ZFHX3: variants seen among roughly 807,000 people sequenced by gnomAD.
The protein encoded by ZFHX3 is zinc finger homeobox 3, also known as zinc finger homeobox protein 3.
Under a neutral mutation model 279.1 loss-of-function variants are expected in ZFHX3, and 42 were observed. That is an observed-to-expected ratio of 0.15 (90% CI 0.12 to 0.19). ZFHX3 has a LOEUF of 0.19. ZFHX3 is among the 10% of genes least tolerant of loss of function. The probability of loss-of-function intolerance (pLI) is 1.00; values close to 1 mark genes in which losing one functional copy is unlikely to be tolerated. For synonymous variants in ZFHX3, 2,293 were observed against 1,957.8 expected (o/e 1.17, Z -4.52); for missense variants, 4,981 against 4,754.0 (o/e 1.05, Z -1.40).
chr16:73,788,211 A>T (rs1281997077), intron 1 of ZFHX3, among the ~76,000 whole-genome samples: 1 of 152,136 alleles, frequency 6.6e-6, no homozygotes, highest in East Asian at 1.9e-4. Context: ...ACCAGAGTAA[A>T]ATACCACGAC....
chr16:73,674,090 C>T (rs1307921306), intron 2 of ZFHX3, among the ~76,000 whole-genome samples: 3 of 152,126 alleles, frequency 2.0e-5, no homozygotes, highest in East Asian at 1.9e-4. Context: ...TCTAATTCCT[C>T]GAAGGAAGGG....
intron 1 of ZFHX3, among the ~76,000 whole-genome samples, chr16:73,882,296 G>A (rs1597157003): frequency 6.6e-6 from 1 of 152,018 alleles, no homozygotes; most frequent in South Asian, 2.1e-4. Context: ...CAGTGTGGCT[G>A]GAGTTGGACT....
chr16:73,058,500 A>C, intron 1 of ZFHX3: 9 of 114,716 alleles, frequency 7.8e-5, no homozygotes, highest in Non-Finnish European at 1.4e-4. Context: ...GGCGGCGGGA[A>C]AAAAAAAAGA....
At chr16:73,106,151 A>G (rs965768787) in intron 7 of ZFHX3, among the ~76,000 whole-genome samples, 14 of 151,784 alleles carry the variant, frequency 9.2e-5, no homozygotes, top group Admixed American at 2.0e-4. Flanking sequence ...TGATATTCCA[A>G]TGATTTCTGC....
intron 1 of ZFHX3, among the ~76,000 whole-genome samples, chr16:73,810,606 C>A (rs1350064614): frequency 6.6e-6 from 1 of 152,008 alleles, no homozygotes; most frequent in Non-Finnish European, 1.5e-5. Context: ...CTTAATGCAA[C>A]CCTATAAATT....
intron 3 of ZFHX3, among the ~76,000 whole-genome samples, chr16:72,917,903 C>A (rs1262520972): frequency 6.6e-6 from 1 of 152,152 alleles, no homozygotes; most frequent in Non-Finnish European, 1.5e-5. Flanking sequence ...CTTACTGTTA[C>A]ATTTTCAGAT....
chr16:73,166,290 A>C (rs1193343141), intron 5 of ZFHX3, among the ~76,000 whole-genome samples: 2 of 152,206 alleles, frequency 1.3e-5, no homozygotes, highest in Non-Finnish European at 2.9e-5. Context: ...CACCAGTGTT[A>C]TGAACTGCCT....
Position 72,811,658 on chromosome 16 carries a change from G to A in ZFHX3, c.3783C>T (p.Leu1261=). 1 of 1,613,944 alleles carries A rather than the reference G, an allele frequency of 6.2e-7. No individual in the cohort carries two copies. The highest frequency in any genetic ancestry group is 8.5e-7 in the Non-Finnish European group (1 of 1,179,940). Residue 1261 remains leucine, a synonymous_variant, in exon 7 of 10, where the codon CTC becomes CTT. Coordinates refer to ENST00000268489, the MANE Select transcript of ZFHX3 (RefSeq NM_006885.4). ...GCAGCTGGAGGTGGATCTTGTTGTTGAGCATGTCCTGGCACAGGGGGCAGC... is the reference window on the plus strand; with the variant it reads ...GCAGCTGGAGGTGGATCTTGTTGTTAAGCATGTCCTGGCACAGGGGGCAGC... The part of the protein sequence containing the change: ...MLRCPLCQDM[L]NNKIHLQLHL...
chr16:73,337,735 C>T (rs11150393), intron 3 of ZFHX3, among the ~76,000 whole-genome samples: 20,820 of 151,512 alleles, frequency 0.14, 2,991 homozygotes, highest in East Asian at 0.37. Context: ...TTTCTAGGTC[C>T]CCACTGTACT....
At chr16:73,574,352 C>A (rs559793977) in intron 2 of ZFHX3, among the ~76,000 whole-genome samples, 1 of 152,060 alleles carries the variant, frequency 6.6e-6, no homozygotes, top group Admixed American at 6.6e-5. Flanking sequence ...TGGGCCCCCC[C>A]CAGCATCCAC....
chr16:72,881,051 A>G (rs570528185), intron 4 of ZFHX3, among the ~76,000 whole-genome samples: 1 of 152,348 alleles, frequency 6.6e-6, no homozygotes, highest in South Asian at 2.1e-4. Context: ...AAGCCAAAAA[A>G]TATTAAGGAA....
intron 7 of ZFHX3, among the ~76,000 whole-genome samples, chr16:73,105,432 TAC>T (rs35101079): frequency 0.39 from 45,433 of 116,792 alleles, 9,171 homozygotes; most frequent in South Asian, 0.61. Context: ...TATATATATA[TAC>T]ACACACACAC....
rs540403044 is a variant in ZFHX3, at chr16:73,009,474, TA to T, written c.-50+38277del. Among the ~76,000 whole-genome samples the T allele has an allele frequency of 6.0e-3, 888 of 148,942 alleles. 3 individuals carry two copies. Among genetic ancestry groups the T allele is most frequent in the Non-Finnish European group, 9.4e-3 (628 of 67,054 alleles). ...GTGGTTATTTAATGCTTCATCTATTTAAAAAAAAAACTCATTCCATATGGAT... is the reference window on the plus strand; with the variant it reads ...GTGGTTATTTAATGCTTCATCTATTTAAAAAAAAACTCATTCCATATGGAT... On this transcript the variant is annotated intron_variant, in intron 1 of 9. Transcript: ENST00000268489.
chr16:72,835,521 A>C (rs1027176547), intron 4 of ZFHX3, among the ~76,000 whole-genome samples: 1 of 152,242 alleles, frequency 6.6e-6, no homozygotes, highest in African/African-American at 2.4e-5. Flanking sequence ...TTTGAAAAAC[A>C]AAATAACCTA....
intron 1 of ZFHX3, among the ~76,000 whole-genome samples, chr16:73,010,308 C>G (rs992020357): frequency 2.0e-5 from 3 of 152,136 alleles, no homozygotes; most frequent in Admixed American, 2.0e-4. Context: ...AGACTCTGCA[C>G]CGTTCCCCAT....
At chr16:73,480,039 C>T (rs2018837133) in intron 2 of ZFHX3, among the ~76,000 whole-genome samples, 1 of 152,172 alleles carries the variant, frequency 6.6e-6, no homozygotes, top group Non-Finnish European at 1.5e-5. Context: ...AACCTCACTA[C>T]TTTCAAGGAC....
chr16:73,867,105 C>T (rs576410162), intron 1 of ZFHX3, among the ~76,000 whole-genome samples: 9 of 152,062 alleles, frequency 5.9e-5, no homozygotes, highest in Non-Finnish European at 1.0e-4. Flanking sequence ...TGGAACTGCC[C>T]CACCTCAACT....
intron 5 of ZFHX3, chr16:72,829,561 C>T: frequency 1.9e-6 from 1 of 513,354 alleles, no homozygotes; most frequent in East Asian, 2.9e-5. Flanking sequence ...AAAGCTTAAC[C>T]ATTAAAAACT....
At chr16:73,505,244 C>T (rs2019305743) in intron 2 of ZFHX3, among the ~76,000 whole-genome samples, 1 of 152,126 alleles carries the variant, frequency 6.6e-6, no homozygotes, top group South Asian at 2.1e-4. Flanking sequence ...CCCCGCTCTG[C>T]TGTCTAAATG....
Sources: allele counts gnomAD v4.1 joint callset (sites outside exome capture counted in the v4.1 genomes callset), GRCh38; gene constraint gnomAD v4.1.1; transcripts MANE v1.5; gene names NCBI Gene and HGNC (gene_info 2026-07-23, HGNC 2026-07-21).